LIPA: variants seen among roughly 807,000 people sequenced by gnomAD.
The protein encoded by LIPA is lysosomal acid lipase/cholesteryl ester hydrolase.
In LIPA, 26 loss-of-function variants were observed where a neutral mutation model predicts 40.6. The observed-to-expected ratio is 0.64, with a 90% CI of 0.47 to 0.89. The LOEUF is 0.89. LIPA is among the 40% of genes least tolerant of loss of function. The probability of loss-of-function intolerance (pLI) is 0.00; values close to 1 mark genes in which losing one functional copy is unlikely to be tolerated. For synonymous variants in LIPA, 188 were observed against 168.4 expected, an observed-to-expected ratio of 1.12 and a Z score of -0.90; for missense variants, 455 against 479.6, an observed-to-expected ratio of 0.95 and a Z score of 0.48.
intron 1 of LIPA, chr10:89,340,294 C>A (rs1843843436): frequency 3.1e-6 from 2 of 652,360 alleles, no homozygotes; most frequent in Non-Finnish European, 4.9e-6. Context: ...CGCAGTGGCT[C>A]ATGCCTGTAA....
intron 1 of LIPA, among the ~76,000 whole-genome samples, chr10:89,288,789 C>T (rs938506909): frequency 5.9e-5 from 9 of 152,200 alleles, no homozygotes; most frequent in African/African-American, 9.6e-5. Context: ...TGCCTTAACT[C>T]GGGCCCTCAC....
intron 1 of LIPA, among the ~76,000 whole-genome samples, chr10:89,329,230 C>T (rs1377880616): frequency 6.6e-6 from 1 of 152,078 alleles, no homozygotes; most frequent in Non-Finnish European, 1.5e-5. Context: ...CTTGAAGATG[C>T]TCTGCAATGT....
At chr10:89,215,155 G>A in intron 9 of LIPA, 94 bp from the exon 10 acceptor site, 1 of 949,744 alleles carries the variant, frequency 1.1e-6, no homozygotes, top group African/African-American at 1.6e-5. Context: ...ACATTGTCTA[G>A]TAAGTTTGAC....
chr10:89,391,136 C>T (rs559432714), intron 2 of LIPA, among the ~76,000 whole-genome samples: 8 of 152,268 alleles, frequency 5.3e-5, no homozygotes, highest in African/African-American at 1.9e-4. Flanking sequence ...GGAAAATACT[C>T]TTGCACCTGC....
intron 1 of LIPA, among the ~76,000 whole-genome samples, chr10:89,300,844 G>A (rs7899279): frequency 0.66 from 99,793 of 151,922 alleles, 35,095 homozygotes; most frequent in East Asian, 0.98. Context: ...AAAATTAGCC[G>A]GGCGTGGTGG....
At chr10:89,315,479 C>T (rs1191746766) in intron 1 of LIPA, among the ~76,000 whole-genome samples, 2 of 152,004 alleles carry the variant, frequency 1.3e-5, no homozygotes, top group Admixed American at 6.6e-5. Flanking sequence ...ATGGAGGAAA[C>T]GCTTCTAGCT....
chr10:89,377,865 C>T (rs1402666113), intron 2 of LIPA, among the ~76,000 whole-genome samples: 2 of 152,160 alleles, frequency 1.3e-5, no homozygotes, highest in Non-Finnish European at 2.9e-5. Flanking sequence ...AGGGAATTTG[C>T]GTATCAAAAC....
chr10:89,383,252 G>T, intron 2 of LIPA: 1 of 1,381,262 alleles, frequency 7.2e-7, no homozygotes. Flanking sequence ...TATTTGAAGT[G>T]CTGGCTTCAT....
chr10:89,218,147 T>A (rs1842651434), intron 8 of LIPA, among the ~76,000 whole-genome samples: 1 of 152,204 alleles, frequency 6.6e-6, no homozygotes, highest in African/African-American at 2.4e-5. Flanking sequence ...CATTTAAAAA[T>A]TATATTTAGG....
Position 89,225,149 on chromosome 10 carries a change from G to T in LIPA, c.618C>A (p.Val206=), listed in dbSNP as rs763651849. ...TGGCCATAGGGCTAGTACAGAAGGC[G>T]ACGGAAGCCACAGGACCCAGGGCAA... ...MFFALGPVAS[V]AFCTSPMAKL... is the part of the protein sequence containing the mutation. Residue 206 remains valine (V), a synonymous_variant, in exon 6 of 10, where the codon GTC becomes GTA. Transcript: ENST00000336233. 14 of 1,614,044 alleles carry T rather than the reference G, an allele frequency of 8.7e-6. No individual in the cohort carries two copies. Among genetic ancestry groups the T allele is most frequent in the African/African-American group, 6.7e-5 (5 of 74,924 alleles).
At chr10:89,390,969 C>A (rs1307455310) in intron 2 of LIPA, among the ~76,000 whole-genome samples, 3 of 152,182 alleles carry the variant, frequency 2.0e-5, no homozygotes, top group Admixed American at 6.5e-5. Flanking sequence ...CCTATTAATT[C>A]AGAAATTCTT....
chr10:89,383,062 A>T (rs549774557), intron 2 of LIPA, among the ~76,000 whole-genome samples: 2 of 152,322 alleles, frequency 1.3e-5, no homozygotes, highest in East Asian at 3.9e-4. Flanking sequence ...TGTTAGCAGA[A>T]TTAACCTCTT....
chr10:89,352,452 G>A (rs2133587228), intron 2 of LIPA, among the ~76,000 whole-genome samples: 1 of 152,290 alleles, frequency 6.6e-6, no homozygotes, highest in East Asian at 1.9e-4. Context: ...GAATATTCAT[G>A]ACTCCTCCTA....
chr10:89,338,860 G>C, intron 1 of LIPA: 1 of 1,614,098 alleles, frequency 6.2e-7, no homozygotes, highest in Non-Finnish European at 8.5e-7. Flanking sequence ...TAACAACGAG[G>C]CAGCCCTGGA....
rs1053949157 is a variant in LIPA at position 89,237,537 on chromosome 10, G to T, written c.229+8139C>A. 3.9e-5 allele frequency among the ~76,000 whole-genome samples: 6 copies of T among 152,136 alleles called. No homozygotes were observed. In the East Asian group the frequency reaches 1.2e-3, roughly 29 times the overall value. ...AGCACCAGGATTTAAGGCAAGAAGG[G>T]ATAGGCTAACTCTACTGTTCTGTGC... On this transcript the variant is annotated intron_variant, in intron 3 of 9. Transcript: ENST00000336233.
chr10:89,410,654 G>C (rs549991438), intron 2 of LIPA, among the ~76,000 whole-genome samples: 1 of 152,246 alleles, frequency 6.6e-6, no homozygotes, highest in Non-Finnish European at 1.5e-5. Flanking sequence ...TGTATACAGA[G>C]AGCAACCATG....
At chr10:89,307,145 G>A (rs1177929623) in intron 1 of LIPA, 2 of 1,614,036 alleles carry the variant, frequency 1.2e-6, no homozygotes, top group Non-Finnish European at 1.7e-6. Flanking sequence ...CCACTTTATA[G>A]AGGGTGTAAA....
chr10:89,350,955 CTT>C (rs1564797684), intron 2 of LIPA, among the ~76,000 whole-genome samples: 1 of 152,138 alleles, frequency 6.6e-6, no homozygotes, highest in East Asian at 1.9e-4. Flanking sequence ...CTTACACACT[CTT>C]TCATTTCTTT....
At chr10:89,392,738 C>T in intron 2 of LIPA, 1 of 1,613,228 alleles carries the variant, frequency 6.2e-7, no homozygotes, top group Non-Finnish European at 8.5e-7. Context: ...CTTTGCTCCT[C>T]TGCCATAATG....
Sources: allele counts gnomAD v4.1 joint callset (sites outside exome capture counted in the v4.1 genomes callset), GRCh38; gene constraint gnomAD v4.1.1; transcripts MANE v1.5; gene names NCBI Gene and HGNC (gene_info 2026-07-23, HGNC 2026-07-21).